The following RICTOR variants were observed in gnomAD, a reference collection of about 807,000 sequenced individuals.
The protein encoded by RICTOR is RPTOR independent companion of MTOR complex 2, also known as rapamycin-insensitive companion of mTOR.
A neutral mutation model predicts 214.9 loss-of-function variants in RICTOR; 49 were observed. The ratio of observed to expected loss-of-function variants is 0.23; its 90% CI spans 0.18 to 0.29. RICTOR has a LOEUF of 0.29. Ranked by LOEUF, RICTOR falls within the 10% of genes least tolerant of loss-of-function variation. The pLI is 1.00. For missense variants in RICTOR, 1,625 were observed against 2,047.0 expected, an observed-to-expected ratio of 0.79 and a Z score of 3.98; for synonymous variants, 717 against 711.3, an observed-to-expected ratio of 1.01 and a Z score of -0.13.
Position 39,003,590 on chromosome 5 carries a change from T to G in RICTOR, c.228A>C (p.Lys76Asn). The change falls in exon 4 of 38, where the codon AAA (lysine) becomes AAC (asparagine). Residue 76 changes from lysine (K) to asparagine (N), a missense_variant. By Grantham distance (94) the Lys-to-Asn change is moderately conservative. Transcript: ENST00000357387. ...LLCDIGHSEE[K>N]LGFHYEDIII... ...TGATATCCTCATAGTGAAAGCCCAGTTTTTCTTCACTGTGGCCAATATCAC... is the reference window on the plus strand; with the variant it reads ...TGATATCCTCATAGTGAAAGCCCAGGTTTTCTTCACTGTGGCCAATATCAC... 5.0e-6 allele frequency: 8 copies of G among 1,609,754 alleles called. No individual in the cohort carries two copies. The highest frequency in any genetic ancestry group is 6.8e-6 in the Non-Finnish European group (8 of 1,177,274).
chr5:39,023,327 T>C (rs536844500), intron 2 of RICTOR, among the ~76,000 whole-genome samples: 11 of 150,890 alleles, frequency 7.3e-5, no homozygotes, highest in African/African-American at 2.7e-4. Context: ...GTAACCAGAT[T>C]GAAAAAAAAG....
intron 2 of RICTOR, among the ~76,000 whole-genome samples, chr5:39,033,103 C>T (rs535810572): frequency 2.6e-5 from 4 of 152,272 alleles, no homozygotes; most frequent in African/African-American, 9.6e-5. Context: ...CAAAGTATCC[C>T]AGGTTGTATT....
chr5:39,035,069 C>T (rs1042773504), intron 2 of RICTOR, among the ~76,000 whole-genome samples: 18 of 152,198 alleles, frequency 1.2e-4, no homozygotes, highest in East Asian at 5.8e-4. Context: ...GGGAGGCACC[C>T]TCCAGCAGGG....
chr5:38,987,282 G>T (rs914231130), intron 7 of RICTOR, among the ~76,000 whole-genome samples: 2 of 152,152 alleles, frequency 1.3e-5, no homozygotes, highest in African/African-American at 4.8e-5. Context: ...TGTTTGGAAC[G>T]GTTTCAGAAG....
At chr5:38,982,212 C>A (rs538230045) in intron 7 of RICTOR, among the ~76,000 whole-genome samples, 176 bp from the exon 8 acceptor site, 1 of 152,070 alleles carries the variant, frequency 6.6e-6, no homozygotes, top group Non-Finnish European at 1.5e-5. Flanking sequence ...AATATACTTC[C>A]CCACAACCTG....
At chr5:39,054,312 A>C (rs1296954042) in intron 2 of RICTOR, among the ~76,000 whole-genome samples, 1 of 152,212 alleles carries the variant, frequency 6.6e-6, no homozygotes, top group East Asian at 1.9e-4. Flanking sequence ...CTCACAGCCC[A>C]CATGTCTTAG....
chr5:38,940,240 AGG>A lies in RICTOR; in HGVS notation c.*2062_*2063del. 1.8e-5 allele frequency: 4 copies of A among 225,648 alleles called. No individual in the cohort carries two copies. Among genetic ancestry groups the A allele is most frequent in the East Asian group, 6.3e-5 (1 of 15,870 alleles). 14.0% of individuals were successfully genotyped at this position (225,648 alleles called of 1,614,324 possible). A position where few individuals can be genotyped will look rare whatever the true frequency, so the allele number is the denominator to read the frequency against. On this transcript the variant is annotated 3_prime_UTR_variant, in exon 38 of 38. Coordinates refer to ENST00000357387, the MANE Select transcript of RICTOR (RefSeq NM_152756.5). ...GGTACAGGGATAGTGATGGTGGGGG[AGG>A]GGGTGTGTGTGTGTGTAAGACAAAA...
In RICTOR at chr5:38,939,389, G is replaced by A. The variant is rs1223815175; in HGVS notation, c.*2915C>T. ...CCAAAGAGCCTCTTTTAATGTCACTGTCATATAGAATGTCCATATTCTACT... is the reference window on the plus strand; with the variant it reads ...CCAAAGAGCCTCTTTTAATGTCACTATCATATAGAATGTCCATATTCTACT... On this transcript the variant is annotated 3_prime_UTR_variant, in exon 38 of 38. Transcript: ENST00000357387. The A allele has an allele frequency of 4.3e-6, 1 of 232,042 alleles. No homozygotes were observed. The highest frequency in any genetic ancestry group is 8.5e-6 in the Non-Finnish European group (1 of 117,456). The allele number at this position is 232,042 out of a possible 1,614,324, so 14.4% of individuals were successfully genotyped here.
At chr5:39,037,272 G>C (rs936538131) in intron 2 of RICTOR, among the ~76,000 whole-genome samples, 4 of 151,978 alleles carry the variant, frequency 2.6e-5, no homozygotes, top group Non-Finnish European at 5.9e-5. Flanking sequence ...AAACCAACGA[G>C]AACAAAGACA....
rs189077910 is a variant in RICTOR, at chr5:39,036,826, G to A, written c.98-15690C>T. Among the ~76,000 whole-genome samples, 1,186 of 152,052 alleles carry A rather than the reference G, an allele frequency of 7.8e-3. 23 individuals carry two copies. The highest frequency in any genetic ancestry group is 0.028 in the African/African-American group (1,153 of 41,492). Reference sequence around the variant, plus strand: ...ACCCAGATTCATAAAGCAAGTCCTTGGAGACCTACAAAGAGACTTAGACTC... The same window carrying A: ...ACCCAGATTCATAAAGCAAGTCCTTAGAGACCTACAAAGAGACTTAGACTC... On this transcript the variant is annotated intron_variant, in intron 2 of 37. Coordinates refer to ENST00000357387, the MANE Select transcript of RICTOR (RefSeq NM_152756.5).
Position 38,982,006 on chromosome 5 carries a change from C to T in RICTOR, c.614G>A (p.Arg205Gln), listed in dbSNP as rs778526085. 23 of 1,612,752 alleles carry T rather than the reference C, an allele frequency of 1.4e-5. No individual in the cohort carries two copies. The highest frequency in any genetic ancestry group is 9.9e-5 in the South Asian group (9 of 91,010). Reference sequence around the variant, plus strand: ...TTTCAAGATGGTGTTTAGTCCACCTCGAAGGGCCACCACCTCTGGATTCTG... The same window carrying T: ...TTTCAAGATGGTGTTTAGTCCACCTTGAAGGGCCACCACCTCTGGATTCTG... ...ALQNPEVVAL[R>Q]GGLNTILKNV... is the part of the protein sequence containing the mutation. The change falls in exon 8 of 38, where the codon CGA becomes CAA. Residue 205 changes from arginine (R) to glutamine (Q), a missense_variant. Arg to Gln is a conservative substitution (Grantham distance 43). This residue lies in a region of RICTOR where 258 missense variants were observed against 393.7 expected (regional missense o/e 0.66). Transcript: ENST00000357387.
At chr5:39,066,326 G>A (rs1758903847) in intron 2 of RICTOR, among the ~76,000 whole-genome samples, 1 of 152,202 alleles carries the variant, frequency 6.6e-6, no homozygotes, top group South Asian at 2.1e-4. Context: ...AGTGTCTTGA[G>A]GCTGTGCAAG....
chr5:39,030,781 T>A (rs1756221410), intron 2 of RICTOR, among the ~76,000 whole-genome samples: 1 of 152,126 alleles, frequency 6.6e-6, no homozygotes, highest in Admixed American at 6.5e-5. Flanking sequence ...TAAGACCAGG[T>A]TGTTGTTGCT....
intron 3 of RICTOR, 119 bp downstream of exon 3, chr5:39,020,920 A>G: frequency 1.6e-6 from 1 of 633,918 alleles, no homozygotes; most frequent in East Asian, 2.6e-5. Flanking sequence ...GCAGGAAAGA[A>G]AAGCATTAAT....
At chr5:39,026,958 A>C (rs1044783648) in intron 2 of RICTOR, among the ~76,000 whole-genome samples, 1 of 152,078 alleles carries the variant, frequency 6.6e-6, no homozygotes, top group African/African-American at 2.4e-5. Flanking sequence ...TGGTGAGCCG[A>C]GATCGCACCA....
chr5:38,993,484 A>T (rs1752938974), intron 6 of RICTOR, among the ~76,000 whole-genome samples: 1 of 152,136 alleles, frequency 6.6e-6, no homozygotes, highest in Non-Finnish European at 1.5e-5. Flanking sequence ...GAAATCAGAG[A>T]CATGGAAAAG....
chr5:39,038,718 T>A (rs1443813374), intron 2 of RICTOR, among the ~76,000 whole-genome samples: 2 of 152,228 alleles, frequency 1.3e-5, no homozygotes, highest in Non-Finnish European at 2.9e-5. Flanking sequence ...CATTCACAAT[T>A]GCTTCAAAGA....
At position 38,940,049 on chromosome 5, in the gene RICTOR, A is replaced by AC. The variant is rs1747368838; in HGVS notation, c.*2254dup. The stretch of plus-strand genomic sequence containing the variant: ...TTTTTTTTTTAGTATACTGATAACC[A>AC]CAAAGCTCTGAGTATCTCCCCAAAG... On this transcript the variant is annotated 3_prime_UTR_variant, in exon 38 of 38. Coordinates refer to ENST00000357387, the MANE Select transcript of RICTOR (RefSeq NM_152756.5). 3 of 221,256 alleles carry AC rather than the reference A, an allele frequency of 1.4e-5. No homozygotes were observed. The East Asian group carries it at 1.9e-4, about 14-fold the overall frequency. The allele number at this position is 221,256 out of a possible 1,614,324, so 13.7% of individuals were successfully genotyped here.
rs897941119 is a variant in RICTOR, at chr5:38,944,588, GAAGTT to G, written c.4790-24_4790-20del. On this transcript the variant is annotated intron_variant, in intron 35 of 37. Coordinates refer to ENST00000357387, the MANE Select transcript of RICTOR (RefSeq NM_152756.5). ...TTAACACCTGAAAAGATTTCAGGGAGAAGTTAAATATTATCTATGTCACAATAAAA... is the reference window on the plus strand; with the variant it reads ...TTAACACCTGAAAAGATTTCAGGGAGAAATATTATCTATGTCACAATAAAA... 1 of 1,563,778 alleles carries G rather than the reference GAAGTT, an allele frequency of 6.4e-7. No individual in the cohort carries two copies. Among genetic ancestry groups the G allele is most frequent in the African/African-American group, 1.4e-5 (1 of 72,420 alleles).
Sources: gnomAD v4.1 joint callset for allele counts (sites outside exome capture counted in the v4.1 genomes callset) on GRCh38, gnomAD v4.1.1 for gene constraint, gnomAD v4.1.1 regional missense constraint, MANE v1.5 for transcripts, NCBI Gene and HGNC (gene_info 2026-07-23, HGNC 2026-07-21) for gene names.